SAP130: variants seen among roughly 807,000 people sequenced by gnomAD.
SAP130 encodes Sin3A associated protein 130.
SAP130 carries 16 observed loss-of-function variants against 103.2 expected under a neutral mutation model. The ratio of observed to expected loss-of-function variants is 0.16; its 90% CI spans 0.10 to 0.24. The LOEUF (loss-of-function observed/expected upper bound fraction) is 0.24, where lower values mean the gene tolerates loss of function less well. Among genes scored for constraint, SAP130 ranks in the 10% least tolerant of loss-of-function variants. SAP130 has a pLI of 1.00. For synonymous variants in SAP130, 477 were observed against 497.0 expected, an observed-to-expected ratio of 0.96 and a Z score of 0.53; for missense variants, 990 against 1,359.7, an observed-to-expected ratio of 0.73 and a Z score of 4.28.
Position 127,978,033 on chromosome 2 carries a change from C to G in SAP130, c.2015G>C (p.Arg672Pro). The G allele has an allele frequency of 2.6e-6, 4 of 1,551,920 alleles. No individual in the cohort carries two copies. The highest frequency in any genetic ancestry group is 3.5e-6 in the Non-Finnish European group (4 of 1,147,012). ...PPQPPDVASP[R>P]VESSMRSTSG... ...CGTACTCCGCATAGAGCTTTCCACTCGAGGACTAGCAACATCAGGAGGCTG... is the reference window on the plus strand; with the variant it reads ...CGTACTCCGCATAGAGCTTTCCACTGGAGGACTAGCAACATCAGGAGGCTG... Residue 672 changes from arginine (R) to proline (P), a missense_variant, in exon 15 of 21, where the codon CGA becomes CCA. Physicochemically the swap from Arg to Pro is moderately radical, Grantham distance 103. This residue lies in a region of SAP130 where 349 missense variants were observed against 384.1 expected (regional missense o/e 0.91). Coordinates refer to ENST00000643581, the MANE Select transcript of SAP130 (RefSeq NM_001330301.2).
At chr2:127,982,879 G>C (rs1455784158) in intron 14 of SAP130, among the ~76,000 whole-genome samples, 1 of 152,186 alleles carries the variant, frequency 6.6e-6, no homozygotes, top group African/African-American at 2.4e-5. Flanking sequence ...AGGCTGCTGG[G>C]GTCCCTCTGG....
intron 15 of SAP130, among the ~76,000 whole-genome samples, chr2:127,967,316 A>G (rs1444012224): frequency 2.0e-5 from 3 of 152,362 alleles, no homozygotes; most frequent in East Asian, 3.9e-4. Flanking sequence ...TCGCACATCA[A>G]AGAATAGTGC....
intron 7 of SAP130, among the ~76,000 whole-genome samples, chr2:128,000,806 G>T (rs1176104492): frequency 6.6e-6 from 1 of 152,150 alleles, no homozygotes; most frequent in Admixed American, 6.5e-5. Flanking sequence ...GGGCGCAAAG[G>T]CTGAAGGATA....
intron 14 of SAP130, among the ~76,000 whole-genome samples, chr2:127,979,446 G>C (rs985144557): frequency 6.6e-6 from 1 of 151,918 alleles, no homozygotes; most frequent in Non-Finnish European, 1.5e-5. Context: ...ATCCAGAGGG[G>C]GTATGGCCCA....
chr2:127,952,324 G>A (rs1679547756), intron 16 of SAP130, among the ~76,000 whole-genome samples: 1 of 151,832 alleles, frequency 6.6e-6, no homozygotes, highest in Non-Finnish European at 1.5e-5. Context: ...GGTGGCAGGT[G>A]CTTGTAATCC....
chr2:127,951,049 G>A (rs1025285676), intron 16 of SAP130, among the ~76,000 whole-genome samples: 1 of 152,116 alleles, frequency 6.6e-6, no homozygotes, highest in Non-Finnish European at 1.5e-5. Flanking sequence ...ACTCATTATC[G>A]TAAAAATCAT....
chr2:128,017,037 G>A (rs1684833592), intron 3 of SAP130, among the ~76,000 whole-genome samples: 1 of 152,214 alleles, frequency 6.6e-6, no homozygotes, highest in Non-Finnish European at 1.5e-5. Context: ...TAACATTACT[G>A]TCAGCTGGGC....
intron 7 of SAP130, among the ~76,000 whole-genome samples, chr2:128,000,765 G>A (rs115183901): frequency 0.015 from 2,268 of 152,198 alleles, 65 homozygotes; most frequent in African/African-American, 0.051. Flanking sequence ...CAGGTGCGGT[G>A]GCTCACACCT....
rs150390711 is a variant in SAP130, at chr2:127,955,244, C to A, written c.2164G>T (p.Val722Phe). 6.2e-7 allele frequency: 1 copy of A among 1,613,982 alleles called. No individual in the cohort carries two copies. The highest frequency in any genetic ancestry group is 2.2e-5 in the East Asian group (1 of 44,878). ...GGGGGCTGCTGGGCAGTTGGAGGGA[C>A]GGCAATGGTAGGCTGATCATTATTT... ...NQNNDQPTIA[V>F]PPTAQQPPPT... The change falls in exon 16 of 21, where the codon GTC becomes TTC. Residue 722 changes from valine to phenylalanine, a missense_variant. Around this residue, in one of 6 missense-constraint regions of SAP130, gnomAD observed 349 missense variants for 384.1 expected, o/e 0.91. Transcript: ENST00000643581. The surrounding 1 kb of genome is among the most constrained non-coding windows in gnomAD (Gnocchi z 4.9).
At chr2:127,958,613 A>G (rs1220802506) in intron 15 of SAP130, among the ~76,000 whole-genome samples, 1 of 151,014 alleles carries the variant, frequency 6.6e-6, no homozygotes, top group Admixed American at 6.6e-5. Context: ...TCTCTCTCTC[A>G]TATATATGAG....
chr2:127,941,942 C>CACA lies in SAP130; in HGVS notation c.*63_*64insTGT. The CACA allele has an allele frequency of 5.5e-6, 1 of 181,344 alleles. No homozygotes were observed. The highest frequency in any genetic ancestry group is 1.0e-5 in the Non-Finnish European group (1 of 96,874). The allele number at this position is 181,344 out of a possible 1,614,324, so 11.2% of individuals were successfully genotyped here. A position where few individuals can be genotyped will look rare whatever the true frequency, so the allele number is the denominator to read the frequency against. ...TGTTCCACTTTGGAAAAAACCAAAA[C>CACA]CCTCCCCCCACCCCCACCATCATTC... On this transcript the variant is annotated 3_prime_UTR_variant, in exon 21 of 21. Coordinates refer to ENST00000643581, the MANE Select transcript of SAP130 (RefSeq NM_001330301.2).
chr2:128,003,051 C>T (rs547635478), intron 7 of SAP130, among the ~76,000 whole-genome samples: 1 of 152,010 alleles, frequency 6.6e-6, no homozygotes, highest in African/African-American at 2.4e-5. Context: ...CGCTTGAGAG[C>T]CCAGGAGGCA....
intron 12 of SAP130, among the ~76,000 whole-genome samples, chr2:127,992,739 CAT>C (rs1340504879): frequency 6.6e-6 from 1 of 152,214 alleles, no homozygotes; most frequent in Non-Finnish European, 1.5e-5. Context: ...AACTAAAAAA[CAT>C]ATAACTGGTA....
intron 15 of SAP130, among the ~76,000 whole-genome samples, chr2:127,965,311 G>A (rs145758678): frequency 8.6e-5 from 13 of 151,964 alleles, no homozygotes; most frequent in African/African-American, 2.9e-4. Context: ...AAAACAAAAC[G>A]AACAGAAAAA....
chr2:128,002,688 A>G (rs1179103460), intron 7 of SAP130, among the ~76,000 whole-genome samples: 1 of 152,176 alleles, frequency 6.6e-6, no homozygotes, highest in African/African-American at 2.4e-5. Context: ...TCTACTCTCC[A>G]CTAAAAAGAA....
chr2:127,970,671 G>T (rs1681021729), intron 15 of SAP130, among the ~76,000 whole-genome samples: 1 of 151,592 alleles, frequency 6.6e-6, no homozygotes, highest in Non-Finnish European at 1.5e-5. Flanking sequence ...CTCCAGCTTG[G>T]GTAACAGAGC....
At position 128,027,293 on chromosome 2, in the gene SAP130, C is replaced by T. The variant is rs553308695; in HGVS notation, c.-7+647G>A. 25 of 1,161,914 alleles carry T rather than the reference C, an allele frequency of 2.2e-5. No individual in the cohort carries two copies. The African/African-American group carries it at 3.6e-4, about 17-fold the overall frequency. 72.0% of individuals were successfully genotyped at this position (1,161,914 alleles called of 1,614,324 possible). On this transcript the variant is annotated intron_variant, in intron 1 of 20. Transcript: ENST00000643581. ...CGGCCGCCGCTGTGCTCGCAGTCCTCTTCCCCCGAACCTGCCCCTGCCTCC... is the reference window on the plus strand; with the variant it reads ...CGGCCGCCGCTGTGCTCGCAGTCCTTTTCCCCCGAACCTGCCCCTGCCTCC...
chr2:127,986,957 C>T lies in SAP130; in HGVS notation c.1786G>A (p.Val596Met). Residue 596 changes from valine to methionine, a missense_variant, in exon 14 of 21, where the codon GTG (valine) becomes ATG (methionine). Val to Met is a conservative substitution (Grantham distance 21, BLOSUM62 1). Transcript: ENST00000643581. The surrounding 1 kb of genome is among the most constrained non-coding windows in gnomAD (Gnocchi z 4.7). ...ACAATTGTGGCTCCATCTGCCAACA[C>T]CACTGCTACAGGAGAGAGGCAACAG... ...PQPEGKTSAV[V>M]LADGATIVAN... 1.9e-6 allele frequency: 3 copies of T among 1,611,910 alleles called. No individual in the cohort carries two copies. Among genetic ancestry groups the T allele is most frequent in the Non-Finnish European group, 2.5e-6 (3 of 1,178,276 alleles).
chr2:128,022,076 C>T (rs1685199035), intron 2 of SAP130, among the ~76,000 whole-genome samples: 1 of 152,194 alleles, frequency 6.6e-6, no homozygotes, highest in Non-Finnish European at 1.5e-5. Flanking sequence ...TCCTGTTACT[C>T]CAGTGAGTTC....
Sources: gnomAD v4.1 joint callset for allele counts (sites outside exome capture counted in the v4.1 genomes callset) on GRCh38, gnomAD v4.1.1 for gene constraint, gnomAD v4.1.1 regional missense constraint, Gnocchi (gnomAD v3.1) non-coding constraint, MANE v1.5 for transcripts, NCBI Gene and HGNC (gene_info 2026-07-23, HGNC 2026-07-21) for gene names.